The following UGT1A9 variants were observed in gnomAD, a reference collection of about 807,000 sequenced individuals.
The protein encoded by UGT1A9 is UDP-glucuronosyltransferase 1A9.
A neutral mutation model predicts 45.0 loss-of-function variants in UGT1A9; 35 were observed. That is an observed-to-expected ratio of 0.78 (90% CI 0.59 to 1.03). The LOEUF is 1.03. Among genes scored for constraint, UGT1A9 ranks in the 50% least tolerant of loss-of-function variants. The probability of loss-of-function intolerance (pLI) is 0.00; values close to 1 mark genes in which losing one functional copy is unlikely to be tolerated. For missense variants in UGT1A9, 687 were observed against 666.6 expected, an observed-to-expected ratio of 1.03 and a Z score of -0.34; for synonymous variants, 278 against 250.6, an observed-to-expected ratio of 1.11 and a Z score of -1.03.
At position 233,672,024 on chromosome 2, in the gene UGT1A9, A is replaced by G; in HGVS notation, c.90A>G (p.Val30=). The part of the protein sequence containing the change: ...CGFAEAGKLL[V]VPMDGSHWFT... ...TTGCCGAGGCAGGGAAGCTACTGGT[A>G]GTGCCCATGGATGGGAGCCACTGGT... The change falls in exon 1 of 5, where the codon GTA becomes GTG. Residue 30 remains valine, a synonymous_variant. Coordinates refer to ENST00000354728, the MANE Select transcript of UGT1A9 (RefSeq NM_021027.3). 6.2e-7 allele frequency: 1 copy of G among 1,614,170 alleles called. No individual in the cohort carries two copies. Among genetic ancestry groups the G allele is most frequent in the Non-Finnish European group, 8.5e-7 (1 of 1,180,000 alleles).
intron 1 of UGT1A9, among the ~76,000 whole-genome samples, chr2:233,740,474 C>T (rs1003783592): frequency 2.0e-5 from 3 of 151,920 alleles, no homozygotes; most frequent in African/African-American, 7.3e-5. Context: ...CAGAAAGGAT[C>T]ATTCCCTCTT....
In UGT1A9 at chr2:233,733,915, C is replaced by T. The variant is rs114264669; in HGVS notation, c.856-33119C>T. On this transcript the variant is annotated intron_variant, in intron 1 of 4. Coordinates refer to ENST00000354728, the MANE Select transcript of UGT1A9 (RefSeq NM_021027.3). ...CTGTTTGTACCTCTCTGGTAGAATT[C>T]GGCTGTGAGGAAGGGGAACATCACA... is the stretch of plus-strand genomic sequence containing the variant. Among the ~76,000 whole-genome samples, 1,498 of 151,134 alleles carry T rather than the reference C, an allele frequency of 9.9e-3. 23 individuals are homozygous for T. The highest frequency in any genetic ancestry group is 0.035 in the African/African-American group (1,427 of 41,026).
intron 1 of UGT1A9, chr2:233,760,899 G>A (rs1697604278): frequency 6.2e-7 from 1 of 1,613,886 alleles, no homozygotes. Context: ...CAGATCACAT[G>A]ACCTTCCTGC....
chr2:233,738,490 C>T (rs927376982), intron 1 of UGT1A9, among the ~76,000 whole-genome samples: 34 of 152,308 alleles, frequency 2.2e-4, no homozygotes, highest in Middle Eastern at 6.8e-3. Flanking sequence ...ACTTGTTGAA[C>T]GGTTTTGACC....
At chr2:233,720,819 C>T (rs2076894500) in intron 1 of UGT1A9, among the ~76,000 whole-genome samples, 2 of 151,784 alleles carry the variant, frequency 1.3e-5, no homozygotes, top group African/African-American at 4.8e-5. Flanking sequence ...AATTCTCCCA[C>T]CTCAGTCTCC....
chr2:233,696,093 A>G (rs546643053), intron 1 of UGT1A9, among the ~76,000 whole-genome samples: 84 of 152,330 alleles, frequency 5.5e-4, no homozygotes, highest in African/African-American at 1.8e-3. Flanking sequence ...GAGAGTCTTC[A>G]AAACAAAACA....
At chr2:233,733,770 T>C (rs1256243948) in intron 1 of UGT1A9, among the ~76,000 whole-genome samples, 2 of 152,350 alleles carry the variant, frequency 1.3e-5, no homozygotes, top group East Asian at 3.9e-4. Context: ...AATTTTCTTT[T>C]TTTGTTGTGT....
chr2:233,724,355 C>T (rs1465005246), intron 1 of UGT1A9, among the ~76,000 whole-genome samples: 1 of 148,690 alleles, frequency 6.7e-6, no homozygotes, highest in Admixed American at 6.7e-5. Flanking sequence ...CCCCACCTCC[C>T]TCCCGGACGG....
At chr2:233,679,494 A>G (rs1200585007) in intron 1 of UGT1A9, among the ~76,000 whole-genome samples, 1 of 152,178 alleles carries the variant, frequency 6.6e-6, no homozygotes, top group Non-Finnish European at 1.5e-5. Context: ...TTCCTGCCTT[A>G]CATTCTGGTG....
Position 233,672,488 on chromosome 2 carries a change from C to A in UGT1A9, c.554C>A (p.Ala185Asp), listed in dbSNP as rs2074228820. ...HYLEEGAQCP[A>D]PLSYVPRILL... is the part of the protein sequence containing the mutation. ...CTTGAAGAAGGTGCACAGTGCCCTGCTCCTCTTTCCTATGTCCCCAGAATT... is the reference window on the plus strand; with the variant it reads ...CTTGAAGAAGGTGCACAGTGCCCTGATCCTCTTTCCTATGTCCCCAGAATT... The change falls in exon 1 of 5, where the codon GCT (alanine) becomes GAT (aspartate). Residue 185 changes from alanine (A) to aspartate (D), a missense_variant. By Grantham distance (126) the Ala-to-Asp change is moderately radical. Coordinates refer to ENST00000354728, the MANE Select transcript of UGT1A9 (RefSeq NM_021027.3). 1 of 1,613,962 alleles carries A rather than the reference C, an allele frequency of 6.2e-7. No individual in the cohort carries two copies. The highest frequency in any genetic ancestry group is 8.5e-7 in the Non-Finnish European group (1 of 1,179,842).
At chr2:233,691,488 G>A in intron 1 of UGT1A9, 1 of 985,788 alleles carries the variant, frequency 1.0e-6, no homozygotes, top group Non-Finnish European at 1.2e-6. Context: ...ACTTGTGGGT[G>A]GGAACAGGAA....
intron 1 of UGT1A9, among the ~76,000 whole-genome samples, chr2:233,750,910 G>A (rs1371262201): frequency 6.6e-6 from 1 of 151,884 alleles, no homozygotes; most frequent in African/African-American, 2.4e-5. Flanking sequence ...GCTAGAGAAG[G>A]GTGGTAAAGA....
chr2:233,745,507 G>T (rs1198591343), intron 1 of UGT1A9, among the ~76,000 whole-genome samples: 14 of 151,594 alleles, frequency 9.2e-5, no homozygotes, highest in Non-Finnish European at 2.9e-5. Context: ...TTCCTATAGG[G>T]TATTAGGTCT....
At chr2:233,693,116 C>T in intron 1 of UGT1A9, 1 of 1,614,114 alleles carries the variant, frequency 6.2e-7, no homozygotes, top group Non-Finnish European at 8.5e-7. Context: ...GGACGGAAGC[C>T]ACTGGCTTAG....
chr2:233,678,630 T>C (rs1405477572), intron 1 of UGT1A9, among the ~76,000 whole-genome samples: 2 of 152,232 alleles, frequency 1.3e-5, no homozygotes, highest in Non-Finnish European at 1.5e-5. Flanking sequence ...TAGAAGTCAA[T>C]AGCAGTCTTA....
intron 1 of UGT1A9, chr2:233,754,988 A>T (rs756949361): frequency 6.6e-5 from 86 of 1,295,924 alleles, no homozygotes; most frequent in Non-Finnish European, 8.9e-5. Context: ...CGGCGGGGTC[A>T]CGGAAGCTGA....
chr2:233,713,186 G>A (rs760031954), intron 1 of UGT1A9: 1 of 1,614,224 alleles, frequency 6.2e-7, no homozygotes, highest in South Asian at 1.1e-5. Context: ...CCCTGGAGGT[G>A]AATATGTACA....
At chr2:233,682,619 T>C (rs2074587451) in intron 1 of UGT1A9, 1 of 1,613,920 alleles carries the variant, frequency 6.2e-7, no homozygotes, top group Non-Finnish European at 8.5e-7. Context: ...CAAAAATGTC[T>C]TAGAAATAGC....
At chr2:233,714,498 TA>T (rs1254150300) in intron 1 of UGT1A9, among the ~76,000 whole-genome samples, 1 of 152,156 alleles carries the variant, frequency 6.6e-6, no homozygotes, top group Non-Finnish European at 1.5e-5. Flanking sequence ...AGACACTACT[TA>T]AAAAAAATTC....
Sources: allele counts gnomAD v4.1 joint callset (sites outside exome capture counted in the v4.1 genomes callset), GRCh38; gene constraint gnomAD v4.1.1; transcripts MANE v1.5; gene names NCBI Gene and HGNC (gene_info 2026-07-23, HGNC 2026-07-21).